Variants in PIWIL1 observed in about 807,000 individuals in gnomAD.
PIWIL1 encodes piwi like RNA-mediated gene silencing 1, also known as piwi-like protein 1.
Under a neutral mutation model 114.4 loss-of-function variants are expected in PIWIL1, and 73 were observed. The observed-to-expected ratio is 0.64, with a 90% CI of 0.53 to 0.78. The LOEUF (loss-of-function observed/expected upper bound fraction) is 0.78. Among genes scored for constraint, PIWIL1 ranks in the 30% least tolerant of loss-of-function variants. The pLI is 0.00. For missense variants in PIWIL1, 723 were observed against 1,063.1 expected, an observed-to-expected ratio of 0.68 and a Z score of 4.45; for synonymous variants, 375 against 369.0, an observed-to-expected ratio of 1.02 and a Z score of -0.19.
chr12:130,397,367 C>A, the PIWIL1 span: 1 of 399,010 alleles, frequency 2.5e-6, no homozygotes, highest in South Asian at 1.3e-4. Context: ...TGAATCATTT[C>A]ACTGCACCCA....
chr12:130,343,040 G>T lies in PIWIL1; in HGVS notation c.129G>T (p.Glu43Asp). The T allele has an allele frequency of 6.2e-7, 1 of 1,614,124 alleles. No individual in the cohort carries two copies. The highest frequency in any genetic ancestry group is 8.5e-7 in the Non-Finnish European group (1 of 1,179,990). Residue 43 changes from glutamate to aspartate, a missense_variant, in exon 3 of 21, where the codon GAG becomes GAT. By Grantham distance (45) the Glu-to-Asp change is conservative. Transcript: ENST00000245255. ...CTAGGCCTCAGCCGCCACCAGCAGA[G>T]GGGGAATTATTTGGCCGTGGACGGC... ...IQPRPQPPPA[E>D]GELFGRGRQR...
intron 16 of PIWIL1, among the ~76,000 whole-genome samples, chr12:130,362,544 G>T (rs183717220): frequency 4.6e-4 from 70 of 152,294 alleles, no homozygotes; most frequent in African/African-American, 1.6e-3. Flanking sequence ...GTACTGATTT[G>T]TAATGAAAAC....
chr12:130,343,862 C>T (rs1271063546), intron 3 of PIWIL1, among the ~76,000 whole-genome samples: 2 of 152,208 alleles, frequency 1.3e-5, no homozygotes, highest in South Asian at 2.1e-4. Context: ...CTCCTGACCT[C>T]GTGATCCTCC....
chr12:130,369,937 G>T (rs543623378), intron 19 of PIWIL1, among the ~76,000 whole-genome samples: 1 of 152,234 alleles, frequency 6.6e-6, no homozygotes, highest in East Asian at 1.9e-4. Flanking sequence ...TGAGAAGCCC[G>T]CTCTTAATGA....
At chr12:130,359,110 T>C (rs1396698631) in intron 14 of PIWIL1, among the ~76,000 whole-genome samples, 1 of 152,204 alleles carries the variant, frequency 6.6e-6, no homozygotes, top group Non-Finnish European at 1.5e-5. Context: ...ATTGATATGG[T>C]TGTTTTTGGT....
intron 9 of PIWIL1, among the ~76,000 whole-genome samples, chr12:130,353,592 C>T (rs183813228): frequency 2.0e-5 from 3 of 152,256 alleles, no homozygotes; most frequent in Non-Finnish European, 4.4e-5. Flanking sequence ...AATTGCCGAA[C>T]TGAGCTGGAG....
At chr12:130,411,947 A>C in the PIWIL1 span, among the ~76,000 whole-genome samples, 212 of 152,304 alleles carry the variant, frequency 1.4e-3, 1 homozygote, top group African/African-American at 4.9e-3. Context: ...TAAACCTTAA[A>C]TATGAATGAT....
rs144183527 is a variant in PIWIL1, at chr12:130,363,995, T to C, written c.2195+851T>C. On this transcript the variant is annotated intron_variant, in intron 18 of 20. Coordinates refer to ENST00000245255, the MANE Select transcript of PIWIL1 (RefSeq NM_004764.5). ...TGCACTTGTTTTCCTTTGAAACCCA[T>C]ATTGGTTTTTGTCTTCCTCTGCTCT... Among the ~76,000 whole-genome samples the C allele has an allele frequency of 2.5e-3, 376 of 152,226 alleles. 1 individual carries two copies. Among genetic ancestry groups the C allele is most frequent in the African/African-American group, 7.4e-3 (309 of 41,558 alleles).
At chr12:130,413,366 C>T in the PIWIL1 span, among the ~76,000 whole-genome samples, 1 of 152,158 alleles carries the variant, frequency 6.6e-6, no homozygotes, top group African/African-American at 2.4e-5. Context: ...CTGGATCTCA[C>T]GGCCTGTAAT....
intron 7 of PIWIL1, among the ~76,000 whole-genome samples, chr12:130,348,421 T>C (rs2073127906): frequency 6.6e-6 from 1 of 152,200 alleles, no homozygotes; most frequent in African/African-American, 2.4e-5. Flanking sequence ...GTTTGTATTT[T>C]TGCCCTTAGG....
chr12:130,377,670 C>T, the PIWIL1 span, among the ~76,000 whole-genome samples: 1 of 152,238 alleles, frequency 6.6e-6, no homozygotes, highest in Non-Finnish European at 1.5e-5. Context: ...GGCCATGTCC[C>T]CACCCATGTG....
At chr12:130,424,787 C>T in the PIWIL1 span, 1 of 1,232,942 alleles carries the variant, frequency 8.1e-7, no homozygotes, top group Non-Finnish European at 1.0e-6. The surrounding 1 kb of genome is among the most constrained non-coding windows in gnomAD (Gnocchi z 9.8). Flanking sequence ...AAAGTCTCTT[C>T]CTGTGGGGCT....
At chr12:130,346,280 C>T (rs1032714084) in intron 4 of PIWIL1, 90 bp from the exon 5 acceptor site, 14 of 959,520 alleles carry the variant, frequency 1.5e-5, no homozygotes, top group African/African-American at 8.1e-5. Context: ...CTTGTGTTTA[C>T]GGAACTGTGC....
chr12:130,414,094 A>T, the PIWIL1 span: 11 of 1,612,236 alleles, frequency 6.8e-6, no homozygotes, highest in African/African-American at 1.3e-4. Context: ...TCAGGGGCTG[A>T]TGAAGCCGCC....
the PIWIL1 span, chr12:130,424,921 G>T: frequency 3.0e-6 from 3 of 995,136 alleles, no homozygotes; most frequent in Non-Finnish European, 3.9e-6. The surrounding 1 kb of genome is among the most constrained non-coding windows in gnomAD (Gnocchi z 9.8). Flanking sequence ...TGAAGTGGGG[G>T]CCAGGGGAGG....
At chr12:130,357,203 A>G in intron 13 of PIWIL1, 98 bp downstream of exon 13, 1 of 1,002,880 alleles carries the variant, frequency 1.0e-6, no homozygotes, top group Non-Finnish European at 1.5e-6. Context: ...CTTAATTGAA[A>G]GGTTTGATGT....
the PIWIL1 span, among the ~76,000 whole-genome samples, chr12:130,391,318 G>A: frequency 2.6e-4 from 39 of 152,176 alleles, no homozygotes; most frequent in African/African-American, 7.7e-4. Context: ...CGCTGGGGCC[G>A]TGCTCTCTCT....
At chr12:130,412,836 G>A in the PIWIL1 span, 1 of 1,531,504 alleles carries the variant, frequency 6.5e-7, no homozygotes, top group Non-Finnish European at 8.9e-7. Flanking sequence ...GATTGGTTCA[G>A]AAATACAATA....
the PIWIL1 span, among the ~76,000 whole-genome samples, chr12:130,400,414 C>G: frequency 6.6e-6 from 1 of 152,182 alleles, no homozygotes; most frequent in African/African-American, 2.4e-5. Context: ...TATATCCTTC[C>G]AGATCTTTCT....
Sources: allele counts gnomAD v4.1 joint callset (sites outside exome capture counted in the v4.1 genomes callset), GRCh38; gene constraint gnomAD v4.1.1; non-coding constraint Gnocchi (gnomAD v3.1); transcripts MANE v1.5; gene names NCBI Gene and HGNC (gene_info 2026-07-23, HGNC 2026-07-21).